The following PLD5 variants were observed in gnomAD, a reference collection of about 807,000 sequenced individuals.
The protein encoded by PLD5 is phospholipase D family member 5, also known as inactive phospholipase D5.
In PLD5, 36 loss-of-function variants were observed where a neutral mutation model predicts 61.1. The observed-to-expected ratio is 0.59, with a 90% CI of 0.45 to 0.78. The LOEUF (loss-of-function observed/expected upper bound fraction) is 0.78, where lower values mean the gene tolerates loss of function less well. Ranked by LOEUF, PLD5 falls within the 30% of genes least tolerant of loss-of-function variation. The pLI is 0.00. For synonymous variants in PLD5, 243 were observed against 242.8 expected, an observed-to-expected ratio of 1.00 and a Z score of -0.01; for missense variants, 515 against 644.4, an observed-to-expected ratio of 0.80 and a Z score of 2.17.
chr1:242,090,426 A>G (rs1339274985), intron 9 of PLD5, among the ~76,000 whole-genome samples: 2 of 152,222 alleles, frequency 1.3e-5, no homozygotes, highest in East Asian at 3.8e-4. Flanking sequence ...GCAACATTTA[A>G]AATATATAGG....
At chr1:242,142,920 G>A (rs140643514) in intron 5 of PLD5, among the ~76,000 whole-genome samples, 416 of 151,806 alleles carry the variant, frequency 2.7e-3, no homozygotes, top group African/African-American at 9.4e-3. Context: ...GTTTCACCAT[G>A]TTGGCCAGGC....
chr1:242,127,254 A>G (rs1352613278), intron 5 of PLD5, among the ~76,000 whole-genome samples: 11 of 152,226 alleles, frequency 7.2e-5, no homozygotes, highest in Admixed American at 6.5e-4. Context: ...GAGATTCCTT[A>G]AAGAATTAAA....
chr1:242,145,743 T>A (rs1315616555), intron 5 of PLD5, among the ~76,000 whole-genome samples: 3 of 152,100 alleles, frequency 2.0e-5, no homozygotes, highest in Non-Finnish European at 4.4e-5. Flanking sequence ...CATGATCTTG[T>A]GTCACTGCAA....
At chr1:242,268,490 C>G (rs1391104635) in intron 3 of PLD5, among the ~76,000 whole-genome samples, 1 of 152,114 alleles carries the variant, frequency 6.6e-6, no homozygotes, top group African/African-American at 2.4e-5. Flanking sequence ...TTAAAGACAA[C>G]CAGAACTCTC....
At chr1:242,310,048 G>A (rs868176339) in intron 2 of PLD5, among the ~76,000 whole-genome samples, 2 of 81,588 alleles carry the variant, frequency 2.5e-5, no homozygotes, top group Non-Finnish European at 7.1e-5. Flanking sequence ...GGATCAACAG[G>A]ACCAATTTTT....
intron 6 of PLD5, among the ~76,000 whole-genome samples, chr1:242,118,438 G>T (rs184772527): frequency 6.6e-6 from 1 of 152,194 alleles, no homozygotes; most frequent in South Asian, 2.1e-4. Context: ...TCATTCTAGC[G>T]CATGTTACAT....
intron 4 of PLD5, among the ~76,000 whole-genome samples, chr1:242,236,561 C>A (rs1324925341): frequency 4.0e-5 from 6 of 150,358 alleles, no homozygotes; most frequent in Non-Finnish European, 1.5e-5. Flanking sequence ...CAAAAAAAAA[C>A]TCACAAGCAT....
chr1:242,392,911 A>G (rs1663017885), intron 1 of PLD5, among the ~76,000 whole-genome samples: 1 of 152,146 alleles, frequency 6.6e-6, no homozygotes, highest in Admixed American at 6.6e-5. Flanking sequence ...AAGCAATAAA[A>G]GTATTTTTAG....
rs142177562 is a variant in PLD5, at chr1:242,332,602, T to C, written c.326+15504A>G. 3.9e-3 allele frequency among the ~76,000 whole-genome samples: 592 copies of C among 152,322 alleles called. 4 individuals are homozygous for C. The highest frequency in any genetic ancestry group is 0.013 in the African/African-American group (560 of 41,574). On this transcript the variant is annotated intron_variant, in intron 2 of 9. Transcript: ENST00000536534. ...CTATCTGGCGTGAGATAGTGTCTCA[T>C]TGCGGTTTTGATTTGCATTTCTCTA...
At chr1:242,301,314 T>G (rs1032724299) in intron 2 of PLD5, among the ~76,000 whole-genome samples, 2 of 152,218 alleles carry the variant, frequency 1.3e-5, no homozygotes, top group African/African-American at 4.8e-5. Context: ...GGCCTGCATC[T>G]GCTACTCCTT....
chr1:242,312,872 C>G (rs7413625), intron 2 of PLD5, among the ~76,000 whole-genome samples: 1 of 152,034 alleles, frequency 6.6e-6, no homozygotes, highest in Non-Finnish European at 1.5e-5. Flanking sequence ...GTATTTGCTT[C>G]GTTCTTATAA....
intron 1 of PLD5, among the ~76,000 whole-genome samples, chr1:242,476,182 C>G (rs1018669075): frequency 1.3e-5 from 2 of 152,072 alleles, no homozygotes; most frequent in Admixed American, 6.5e-5. Context: ...TGGTGAAACC[C>G]CGTCTCTACT....
At chr1:242,338,690 T>C (rs1310589223) in intron 2 of PLD5, among the ~76,000 whole-genome samples, 7 of 152,164 alleles carry the variant, frequency 4.6e-5, no homozygotes, top group African/African-American at 7.2e-5. Flanking sequence ...ATTTTTAACA[T>C]AATTTTTTAA....
intron 1 of PLD5, among the ~76,000 whole-genome samples, chr1:242,451,459 CTTTTTTT>C (rs398038597): frequency 1.7e-5 from 2 of 115,156 alleles, no homozygotes; most frequent in African/African-American, 6.7e-5. Flanking sequence ...GTATCAAATT[CTTTTTTT>C]TTTTTTTTTT....
At chr1:242,448,854 C>T (rs959947166) in intron 1 of PLD5, among the ~76,000 whole-genome samples, 2 of 152,096 alleles carry the variant, frequency 1.3e-5, no homozygotes, top group East Asian at 1.9e-4. Context: ...AAAAAAATCA[C>T]GTGGAAGTTT....
chr1:242,090,234 TG>T (rs1454412003), intron 9 of PLD5, 124 bp from the exon 10 acceptor site: 43 of 1,262,822 alleles, frequency 3.4e-5, no homozygotes, highest in Non-Finnish European at 4.7e-5. Context: ...ACGGAGAGGC[TG>T]AATTGTGTTG....
rs537610966 is a variant in PLD5 at position 242,087,845 on chromosome 1, A to G, written c.*2009T>C. The G allele has an allele frequency of 2.4e-4, 36 of 152,344 alleles. No individual in the cohort carries two copies. Among genetic ancestry groups the G allele is most frequent in the African/African-American group, 8.4e-4 (35 of 41,578 alleles). 9.4% of individuals were successfully genotyped at this position (152,344 alleles called of 1,614,324 possible). On this transcript the variant is annotated 3_prime_UTR_variant, in exon 10 of 10. Coordinates refer to ENST00000536534, the MANE Select transcript of PLD5 (RefSeq NM_001372062.1). ...CAAATATGGATTGTGTATATGGTAA[A>G]TATTTAGAGTCTTAGGGACTGGCTA...
chr1:242,128,832 C>T (rs1177930323), intron 5 of PLD5, among the ~76,000 whole-genome samples: 2 of 152,162 alleles, frequency 1.3e-5, no homozygotes, highest in African/African-American at 4.8e-5. Flanking sequence ...CAGCTCTTCA[C>T]TTCCTCCATC....
At chr1:242,448,914 G>T (rs1050242896) in intron 1 of PLD5, among the ~76,000 whole-genome samples, 2 of 152,206 alleles carry the variant, frequency 1.3e-5, no homozygotes, top group Non-Finnish European at 2.9e-5. Flanking sequence ...TCACAGAACG[G>T]TGACAATTCA....
Sources: allele counts gnomAD v4.1 joint callset (sites outside exome capture counted in the v4.1 genomes callset), GRCh38; gene constraint gnomAD v4.1.1; transcripts MANE v1.5; gene names NCBI Gene and HGNC (gene_info 2026-07-23, HGNC 2026-07-21).